EBF1: variants seen among roughly 807,000 people sequenced by gnomAD.
EBF1 encodes EBF transcription factor 1.
A neutral mutation model predicts 68.4 loss-of-function variants in EBF1; 10 were observed. The ratio of observed to expected loss-of-function variants is 0.15; its 90% CI spans 0.09 to 0.25. The LOEUF is 0.25. Among genes scored for constraint, EBF1 ranks in the 10% least tolerant of loss-of-function variants. The probability of loss-of-function intolerance (pLI) is 1.00; values close to 1 mark genes in which losing one functional copy is unlikely to be tolerated. For missense variants in EBF1, 509 were observed against 794.4 expected (o/e 0.64, Z 4.32); for synonymous variants, 298 against 299.8 (o/e 0.99, Z 0.06).
intron 6 of EBF1, among the ~76,000 whole-genome samples, chr5:158,945,875 C>G (rs975596575): frequency 6.6e-6 from 1 of 152,048 alleles, no homozygotes; most frequent in African/African-American, 2.4e-5. Flanking sequence ...AGGCTTTGTT[C>G]ATTCCTTTTC....
At chr5:158,714,310 G>A in intron 11 of EBF1, 128 bp from the exon 12 acceptor site, 2 of 996,898 alleles carry the variant, frequency 2.0e-6, no homozygotes, top group South Asian at 2.8e-5. Context: ...GTAGCTTGGG[G>A]AACCCCAGAA....
chr5:158,919,307 C>T (rs187655978), intron 6 of EBF1, among the ~76,000 whole-genome samples: 1 of 151,558 alleles, frequency 6.6e-6, no homozygotes, highest in East Asian at 1.9e-4. Flanking sequence ...ACTCATGTTG[C>T]TTGGGTAACA....
In EBF1 at chr5:158,920,628, G is replaced by A. The variant is rs769493538; in HGVS notation, c.555-80518C>T. On this transcript the variant is annotated intron_variant, in intron 6 of 15. Transcript: ENST00000313708. ...CAGTCTTGCTCTGTTGCCCAGCCTG[G>A]AGTGCAGTGGTGCAATCATAGCTCA... is the stretch of plus-strand genomic sequence containing the variant. 6.6e-5 allele frequency among the ~76,000 whole-genome samples: 10 copies of A among 152,012 alleles called. 1 individual carries two copies. Among genetic ancestry groups the A allele is most frequent in the Non-Finnish European group, 1.3e-4 (9 of 67,996 alleles).
At chr5:158,860,963 C>T (rs1794868346) in intron 6 of EBF1, among the ~76,000 whole-genome samples, 1 of 152,280 alleles carries the variant, frequency 6.6e-6, no homozygotes, top group African/African-American at 2.4e-5. Flanking sequence ...GATTAACCTC[C>T]AAGACGACAC....
intron 4 of EBF1, among the ~76,000 whole-genome samples, chr5:159,091,033 T>C (rs1451032975): frequency 1.3e-5 from 2 of 152,216 alleles, no homozygotes; most frequent in Admixed American, 6.5e-5. Context: ...TGTAGACAAT[T>C]CACCAATGTC....
At chr5:159,001,764 T>G (rs1461907649) in intron 6 of EBF1, among the ~76,000 whole-genome samples, 2 of 152,216 alleles carry the variant, frequency 1.3e-5, no homozygotes, top group African/African-American at 4.8e-5. Context: ...CTGTTAAGCC[T>G]GAGTCACAGT....
At chr5:158,775,001 G>A (rs766973347) in intron 10 of EBF1, among the ~76,000 whole-genome samples, 2 of 146,830 alleles carry the variant, frequency 1.4e-5, no homozygotes, top group Non-Finnish European at 1.5e-5. Context: ...AAAAAAAAAG[G>A]CTTCTTGTCT....
intron 6 of EBF1, among the ~76,000 whole-genome samples, chr5:159,008,014 T>C: frequency 6.6e-6 from 1 of 152,220 alleles, no homozygotes; most frequent in African/African-American, 2.4e-5. Flanking sequence ...AATCATGATG[T>C]GGGAGATAGA....
intron 6 of EBF1, among the ~76,000 whole-genome samples, chr5:158,955,331 A>C (rs1302209173): frequency 6.6e-6 from 1 of 151,924 alleles, no homozygotes; most frequent in Non-Finnish European, 1.5e-5. Context: ...CTAAAAAAAA[A>C]AGAGAGAGAG....
chr5:158,815,888 A>C (rs1783638967), intron 8 of EBF1, among the ~76,000 whole-genome samples: 1 of 152,236 alleles, frequency 6.6e-6, no homozygotes, highest in Non-Finnish European at 1.5e-5. Context: ...TCAACTGCAC[A>C]AAGTAAAAGC....
At chr5:158,811,220 T>C (rs931851810) in intron 8 of EBF1, among the ~76,000 whole-genome samples, 1 of 152,152 alleles carries the variant, frequency 6.6e-6, no homozygotes, top group Admixed American at 6.5e-5. Flanking sequence ...CACCTTCCCA[T>C]ATATCACTGC....
At chr5:159,024,949 G>C (rs980705851) in intron 6 of EBF1, among the ~76,000 whole-genome samples, 1 of 152,246 alleles carries the variant, frequency 6.6e-6, no homozygotes, top group Admixed American at 6.5e-5. Context: ...CACCTTGCCT[G>C]CAAGATTTCC....
intron 6 of EBF1, among the ~76,000 whole-genome samples, chr5:158,984,473 G>A (rs187109803): frequency 1.1e-4 from 16 of 152,106 alleles, no homozygotes; most frequent in African/African-American, 3.6e-4. Context: ...CAATTCTAAT[G>A]GTACAAGGAT....
intron 10 of EBF1, among the ~76,000 whole-genome samples, chr5:158,737,315 G>T (rs1258695522): frequency 9.3e-6 from 1 of 107,922 alleles, no homozygotes; most frequent in Non-Finnish European, 1.7e-5. Flanking sequence ...ACGGAGTCTC[G>T]CTCCGTCGCC....
At chr5:159,020,522 C>G (rs1766476346) in intron 6 of EBF1, among the ~76,000 whole-genome samples, 1 of 152,178 alleles carries the variant, frequency 6.6e-6, no homozygotes, top group African/African-American at 2.4e-5. Context: ...TTTACCACCT[C>G]CTCCCACCTC....
chr5:158,813,037 A>G (rs562831785), intron 8 of EBF1, among the ~76,000 whole-genome samples: 1 of 152,236 alleles, frequency 6.6e-6, no homozygotes, highest in East Asian at 1.9e-4. Context: ...TGAAAGAATT[A>G]TTACTTCCCC....
At chr5:159,077,895 C>T (rs897702968) in intron 5 of EBF1, among the ~76,000 whole-genome samples, 6 of 151,600 alleles carry the variant, frequency 4.0e-5, no homozygotes, top group Admixed American at 6.6e-5. Flanking sequence ...GATGCCAACA[C>T]GCCCGGCTAA....
At chr5:159,063,700 T>C (rs906258962) in intron 6 of EBF1, among the ~76,000 whole-genome samples, 79 of 152,208 alleles carry the variant, frequency 5.2e-4, no homozygotes, top group African/African-American at 1.8e-3. Context: ...GAGACTTAGC[T>C]ACCATGATTA....
chr5:159,002,111 C>A lies in EBF1; in HGVS notation c.554+71285G>T, dbSNP rs547663673. Among the ~76,000 whole-genome samples the A allele has an allele frequency of 2.7e-3, 413 of 151,478 alleles. 2 individuals carry two copies. Among genetic ancestry groups the A allele is most frequent in the African/African-American group, 9.5e-3 (392 of 41,274 alleles). On this transcript the variant is annotated intron_variant, in intron 6 of 15. Coordinates refer to ENST00000313708, the MANE Select transcript of EBF1 (RefSeq NM_024007.5). ...CATGATCTTAGGGAAAGACAACAGC[C>A]CAGTAGAATAAGGTGAGAAATAAAA... is the stretch of plus-strand genomic sequence containing the variant.
Sources: gnomAD v4.1 joint callset for allele counts (sites outside exome capture counted in the v4.1 genomes callset) on GRCh38, gnomAD v4.1.1 for gene constraint, MANE v1.5 for transcripts, NCBI Gene and HGNC (gene_info 2026-07-23, HGNC 2026-07-21) for gene names.